MTR: variants seen among roughly 807,000 people sequenced by gnomAD.
The protein encoded by MTR is methionine synthase.
Under a neutral mutation model 154.8 loss-of-function variants are expected in MTR, and 84 were observed. The observed-to-expected ratio is 0.54, with a 90% CI of 0.45 to 0.65. The LOEUF is 0.65. Ranked by LOEUF, MTR falls within the 30% of genes least tolerant of loss-of-function variation. MTR has a pLI of 0.00. For synonymous variants in MTR, 554 were observed against 553.9 expected (o/e 1.00, Z 0.00); for missense variants, 1,275 against 1,570.2 (o/e 0.81, Z 3.18).
At chr1:236,857,237 T>G (rs746203868) in intron 18 of MTR, among the ~76,000 whole-genome samples, 29 of 152,202 alleles carry the variant, frequency 1.9e-4, no homozygotes, top group Non-Finnish European at 4.3e-4. Context: ...CGTGATATGG[T>G]ATCTCATTGT....
chr1:236,818,576 G>A (rs6662510), intron 8 of MTR, among the ~76,000 whole-genome samples: 109,875 of 152,208 alleles, frequency 0.72, 40,979 homozygotes, highest in African/African-American at 0.91. Flanking sequence ...TATGACTTCA[G>A]CTACAGTCCA....
At chr1:236,849,091 T>C (rs922974258) in intron 15 of MTR, among the ~76,000 whole-genome samples, 19 of 152,270 alleles carry the variant, frequency 1.2e-4, no homozygotes, top group African/African-American at 4.6e-4. Flanking sequence ...TTTTTAAGAG[T>C]AGATTTGATT....
At chr1:236,821,024 A>G (rs1661907784) in intron 8 of MTR, among the ~76,000 whole-genome samples, 1 of 152,214 alleles carries the variant, frequency 6.6e-6, no homozygotes, top group Non-Finnish European at 1.5e-5. Flanking sequence ...AATTCTTTGT[A>G]TATTTTGGAT....
chr1:236,842,050 C>T (rs981542708), intron 15 of MTR, among the ~76,000 whole-genome samples: 15 of 152,202 alleles, frequency 9.9e-5, no homozygotes, highest in Admixed American at 9.2e-4. Context: ...CGCCACCTTA[C>T]TCGGCTAATT....
intron 14 of MTR, 67 bp from the exon 15 acceptor site, chr1:236,838,347 A>G: frequency 2.0e-6 from 3 of 1,492,054 alleles, no homozygotes; most frequent in Non-Finnish European, 2.8e-6. Context: ...AATACTTTGG[A>G]GCCTTTGAAA....
intron 3 of MTR, among the ~76,000 whole-genome samples, chr1:236,806,716 C>G (rs1461797800): frequency 6.6e-6 from 1 of 152,212 alleles, no homozygotes; most frequent in Non-Finnish European, 1.5e-5. Flanking sequence ...AACTGAAACT[C>G]TGTACCCATT....
intron 15 of MTR, among the ~76,000 whole-genome samples, chr1:236,848,548 A>G (rs1331924299): frequency 1.3e-5 from 2 of 152,142 alleles, no homozygotes; most frequent in Non-Finnish European, 2.9e-5. Flanking sequence ...TCTGACATAC[A>G]TCTCAGTCTC....
In MTR at chr1:236,795,713, G is replaced by A. The variant is rs1418638914; in HGVS notation, c.10G>A (p.Ala4Thr). The A allele has an allele frequency of 6.2e-7, 1 of 1,614,162 alleles. No homozygotes were observed. Among genetic ancestry groups the A allele is most frequent in the Non-Finnish European group, 8.5e-7 (1 of 1,180,026 alleles). MSP[A>T]LQDLSQPEGL... ...GAGGAGACTCGACAACATGTCACCCGCGCTCCAAGACCTGTCGCAACCCGG... is the reference window on the plus strand; with the variant it reads ...GAGGAGACTCGACAACATGTCACCCACGCTCCAAGACCTGTCGCAACCCGG... The change falls in exon 1 of 33, where the codon GCG becomes ACG. Residue 4 changes from alanine (A) to threonine (T), a missense_variant. Coordinates refer to ENST00000366577, the MANE Select transcript of MTR (RefSeq NM_000254.3).
chr1:236,803,980 G>A (rs368318241), intron 2 of MTR, among the ~76,000 whole-genome samples: 7 of 152,286 alleles, frequency 4.6e-5, no homozygotes, highest in African/African-American at 1.2e-4. Flanking sequence ...GCTTAAAGGT[G>A]GTTGGTATCT....
intron 22 of MTR, among the ~76,000 whole-genome samples, chr1:236,868,225 T>G (rs1441538847): frequency 6.6e-6 from 1 of 152,096 alleles, no homozygotes; most frequent in Non-Finnish European, 1.5e-5. Context: ...GTCAAGACCC[T>G]CTACCAGCAA....
chr1:236,823,670 G>A (rs1297511037), intron 8 of MTR, among the ~76,000 whole-genome samples: 4 of 152,194 alleles, frequency 2.6e-5, no homozygotes, highest in Non-Finnish European at 1.5e-5. Context: ...CTCTGCCTGT[G>A]GGGTAGAGCA....
At chr1:236,796,998 A>T (rs1473811973) in intron 1 of MTR, among the ~76,000 whole-genome samples, 2 of 151,836 alleles carry the variant, frequency 1.3e-5, no homozygotes, top group Admixed American at 1.3e-4. Context: ...GACTTAAAAT[A>T]CTGTGAATAG....
chr1:236,848,176 C>T (rs1397255933), intron 15 of MTR, among the ~76,000 whole-genome samples: 1 of 152,102 alleles, frequency 6.6e-6, no homozygotes, highest in African/African-American at 2.4e-5. Flanking sequence ...GAAATGAATT[C>T]CTGTCCTGTG....
rs397974349 is a variant in MTR at position 236,861,097 on chromosome 1, CTTTTTT to C, written c.2044-17_2044-12del. 13 of 1,159,698 alleles carry C rather than the reference CTTTTTT, an allele frequency of 1.1e-5. No homozygotes were observed. In the African/African-American group the frequency reaches 2.3e-4, roughly 20 times the overall value. The allele number at this position is 1,159,698 out of a possible 1,614,324, so 71.8% of individuals were successfully genotyped here. On this transcript the variant is annotated intron_variant, in intron 19 of 32. Coordinates refer to ENST00000366577, the MANE Select transcript of MTR (RefSeq NM_000254.3). ...ATTTTTTTTTTCTTTCTTTCTTTTTCTTTTTTTTTTTTTTTTGTCTTTTTTAGGGCA... is the reference window on the plus strand; with the variant it reads ...ATTTTTTTTTTCTTTCTTTCTTTTTCTTTTTTTTTTGTCTTTTTTAGGGCA...
At position 236,815,617 on chromosome 1, in the gene MTR, C is replaced by T. The variant is rs1451672569; in HGVS notation, c.623C>T (p.Ala208Val). The T allele has an allele frequency of 1.2e-6, 2 of 1,613,954 alleles. No individual in the cohort carries two copies. The highest frequency in any genetic ancestry group is 1.1e-5 in the South Asian group (1 of 91,074). ...DTANAKAALF[A>V]LQNLFEEKYA... ...TTTCCCTGACAGGCAGCCTTGTTTG[C>T]ACTCCAAAATCTTTTTGAGGAGAAA... Residue 208 changes from alanine (A) to valine (V), a missense_variant, in exon 7 of 33, where the codon GCA becomes GTA. Transcript: ENST00000366577.
intron 2 of MTR, among the ~76,000 whole-genome samples, chr1:236,804,027 G>A (rs1660835059): frequency 6.8e-6 from 1 of 146,958 alleles, no homozygotes; most frequent in Non-Finnish European, 1.5e-5. Context: ...ACCATAGACT[G>A]GGTTATACAA....
chr1:236,825,329 C>G lies in MTR; in HGVS notation c.866-9C>G, dbSNP rs1558289315. ...AATTTGCAATAATGGTTGAATTATC[C>G]TTTCTCAGGTCTTCCCAACACCTTT... On this transcript the variant is annotated splice_polypyrimidine_tract_variant and intron_variant, in intron 9 of 32. Coordinates refer to ENST00000366577, the MANE Select transcript of MTR (RefSeq NM_000254.3). 1.2e-6 allele frequency: 2 copies of G among 1,609,946 alleles called. No individual in the cohort carries two copies. The highest frequency in any genetic ancestry group is 1.7e-6 in the Non-Finnish European group (2 of 1,176,604).
chr1:236,887,147 G>A (rs1343102076), intron 27 of MTR, among the ~76,000 whole-genome samples: 1 of 152,194 alleles, frequency 6.6e-6, no homozygotes, highest in African/African-American at 2.4e-5. Context: ...ATATTTCCAA[G>A]GTAATGTATC....
chr1:236,813,285 G>A (rs974259772), intron 6 of MTR, among the ~76,000 whole-genome samples: 1 of 152,160 alleles, frequency 6.6e-6, no homozygotes, highest in Non-Finnish European at 1.5e-5. Context: ...GTATGTGTGT[G>A]TTTGTGTTCC....
Sources: allele counts gnomAD v4.1 joint callset (sites outside exome capture counted in the v4.1 genomes callset), GRCh38; gene constraint gnomAD v4.1.1; transcripts MANE v1.5; gene names NCBI Gene and HGNC (gene_info 2026-07-23, HGNC 2026-07-21).